The following ATP8A2 variants were observed in gnomAD, a reference collection of about 807,000 sequenced individuals.
ATP8A2 encodes the protein phospholipid-transporting ATPase IB.
A neutral mutation model predicts 165.6 loss-of-function variants in ATP8A2; 100 were observed. The ratio of observed to expected loss-of-function variants is 0.60; its 90% CI spans 0.51 to 0.71. ATP8A2 has a LOEUF of 0.71. Among genes scored for constraint, ATP8A2 ranks in the 30% least tolerant of loss-of-function variants. The probability of loss-of-function intolerance (pLI) is 0.00; values close to 1 mark genes in which losing one functional copy is unlikely to be tolerated. For missense variants in ATP8A2, 1,227 were observed against 1,479.5 expected (o/e 0.83, Z 2.80); for synonymous variants, 543 against 548.8 (o/e 0.99, Z 0.15).
intron 24 of ATP8A2, among the ~76,000 whole-genome samples, chr13:25,605,777 A>C (rs2040500914): frequency 6.6e-6 from 1 of 152,092 alleles, no homozygotes; most frequent in Non-Finnish European, 1.5e-5. Context: ...ATTTATTTAA[A>C]CCTTCTCTTA....
chr13:25,740,002 A>C (rs1231091298), intron 25 of ATP8A2, among the ~76,000 whole-genome samples: 1 of 152,298 alleles, frequency 6.6e-6, no homozygotes, highest in East Asian at 1.9e-4. Flanking sequence ...GGCCACCTAC[A>C]TTGCTCATCC....
At chr13:25,923,084 AC>A (rs1954507136) in intron 33 of ATP8A2, among the ~76,000 whole-genome samples, 2 of 152,188 alleles carry the variant, frequency 1.3e-5, no homozygotes, top group Admixed American at 1.3e-4. Context: ...AAGCAAAGGA[AC>A]AACCTAGAAA....
At chr13:25,857,916 G>A (rs190710023) in intron 30 of ATP8A2, among the ~76,000 whole-genome samples, 13 of 152,174 alleles carry the variant, frequency 8.5e-5, no homozygotes, top group Non-Finnish European at 1.6e-4. Flanking sequence ...ACATTTTATC[G>A]TGTATCTGTT....
At chr13:25,589,813 CTG>C (rs554828731) in intron 24 of ATP8A2, 114 bp downstream of exon 24, 24 of 643,582 alleles carry the variant, frequency 3.7e-5, no homozygotes, top group Non-Finnish European at 6.5e-5. Context: ...TATGAAAAAA[CTG>C]TGTTTATTTT....
At chr13:25,922,773 G>T (rs9511976) in intron 33 of ATP8A2, among the ~76,000 whole-genome samples, 6,590 of 152,266 alleles carry the variant, frequency 0.043, 211 homozygotes, top group Middle Eastern at 0.099. Context: ...AGGGGGGATC[G>T]GTAGGCCCTA....
At chr13:25,446,692 C>T (rs2035078220) in intron 1 of ATP8A2, among the ~76,000 whole-genome samples, 1 of 152,142 alleles carries the variant, frequency 6.6e-6, no homozygotes, top group Non-Finnish European at 1.5e-5. Flanking sequence ...GTGAGAAGAA[C>T]ATTACAAATC....
At chr13:25,531,365 TATATATATGTTATATATATGATATATATA>T (rs2038082618) in intron 4 of ATP8A2, among the ~76,000 whole-genome samples, 1 of 124,966 alleles carries the variant, frequency 8.0e-6, no homozygotes, top group African/African-American at 3.5e-5. Flanking sequence ...TTATATATGA[TATATATATGTTATATATATGATATATATA>T]TGATTATATA....
intron 1 of ATP8A2, among the ~76,000 whole-genome samples, chr13:25,384,948 C>A (rs772521022): frequency 6.6e-5 from 10 of 152,154 alleles, no homozygotes; most frequent in Non-Finnish European, 1.2e-4. Flanking sequence ...GTGGGACATG[C>A]CCCGGGTTGG....
chr13:25,528,304 C>T (rs1463103463), intron 2 of ATP8A2, among the ~76,000 whole-genome samples: 1 of 152,168 alleles, frequency 6.6e-6, no homozygotes, highest in Non-Finnish European at 1.5e-5. Context: ...CTTCATATAA[C>T]ATCACATACA....
intron 35 of ATP8A2, among the ~76,000 whole-genome samples, chr13:25,996,611 G>T (rs1430311337): frequency 6.6e-6 from 1 of 151,876 alleles, no homozygotes; most frequent in Non-Finnish European, 1.5e-5. Context: ...TGCAACCTCC[G>T]CACTCTGGCG....
In ATP8A2 at chr13:25,769,148, C is replaced by G; in HGVS notation, c.2487C>G (p.Ile829Met). Reference sequence around the variant, plus strand: ...ACGGCGCCAACGATGTCGGGATGATCCAGACAGCCCACGTGGGTGTGGGAA... The same window carrying G: ...ACGGCGCCAACGATGTCGGGATGATGCAGACAGCCCACGTGGGTGTGGGAA... ...IGDGANDVGM[I>M]QTAHVGVGIS... Residue 829 changes from isoleucine (I) to methionine (M), a missense_variant, in exon 26 of 37, where the codon ATC becomes ATG. This residue lies in a region of ATP8A2 where 592 missense variants were observed against 785.6 expected (regional missense o/e 0.75). Transcript: ENST00000381655. 6 of 1,614,144 alleles carry G rather than the reference C, an allele frequency of 3.7e-6. No individual in the cohort carries two copies. Among genetic ancestry groups the G allele is most frequent in the Non-Finnish European group, 5.1e-6 (6 of 1,180,002 alleles).
At chr13:25,812,248 T>C (rs1443549684) in intron 27 of ATP8A2, among the ~76,000 whole-genome samples, 1 of 151,466 alleles carries the variant, frequency 6.6e-6, no homozygotes, top group Non-Finnish European at 1.5e-5. Flanking sequence ...GATGTACCAT[T>C]ATAGTATGTT....
Position 25,753,374 on chromosome 13 carries a change from C to T in ATP8A2, c.2385-15672C>T, listed in dbSNP as rs75777187. ...CTGACTCATGTGAATGTTGGCCAGA[C>T]GCTCTGGCTTGTGTGGTTATTGGCT... On this transcript the variant is annotated intron_variant, in intron 25 of 36. Coordinates refer to ENST00000381655, the MANE Select transcript of ATP8A2 (RefSeq NM_016529.6). Among the ~76,000 whole-genome samples, 483 of 152,304 alleles carry T rather than the reference C, an allele frequency of 3.2e-3. 2 individuals are homozygous for T. Among genetic ancestry groups the T allele is most frequent in the African/African-American group, 0.01 (416 of 41,564 alleles).
chr13:25,623,137 A>C lies in ATP8A2; in HGVS notation c.2211+33438A>C, dbSNP rs9581410. ...AGTAGCTCATGCCTGTAATCTCAGCACTTTGGGAGGCCAAGGCGGGAGGAT... is the reference window on the plus strand; with the variant it reads ...AGTAGCTCATGCCTGTAATCTCAGCCCTTTGGGAGGCCAAGGCGGGAGGAT... On this transcript the variant is annotated intron_variant, in intron 24 of 36. Coordinates refer to ENST00000381655, the MANE Select transcript of ATP8A2 (RefSeq NM_016529.6). Among the ~76,000 whole-genome samples the C allele has an allele frequency of 3.6e-3, 545 of 152,354 alleles. 3 individuals are homozygous for C. Among genetic ancestry groups the C allele is most frequent in the Middle Eastern group, 0.017 (5 of 294 alleles).
chr13:25,869,571 T>A (rs1314219555), intron 33 of ATP8A2, among the ~76,000 whole-genome samples: 1 of 152,248 alleles, frequency 6.6e-6, no homozygotes, highest in African/African-American at 2.4e-5. Flanking sequence ...TGAGCTTGTT[T>A]TTCAGGTATA....
At chr13:25,668,965 G>T (rs1382559052) in intron 24 of ATP8A2, among the ~76,000 whole-genome samples, 2 of 151,272 alleles carry the variant, frequency 1.3e-5, no homozygotes, top group Admixed American at 6.6e-5. Flanking sequence ...TACTTTTTTT[G>T]TCCATGTTTC....
In ATP8A2 at chr13:25,778,781, C is replaced by T. The variant is rs926019206; in HGVS notation, c.2679+3822C>T. On this transcript the variant is annotated intron_variant, in intron 27 of 36. Transcript: ENST00000381655. The stretch of plus-strand genomic sequence containing the variant: ...CCTCTGCGATCTGGGTTCCAACTGT[C>T]ACCAGCCTCCTCTGCCACTGTATCC... 6.6e-5 allele frequency among the ~76,000 whole-genome samples: 10 copies of T among 152,326 alleles called. No individual in the cohort carries two copies. In the East Asian group the frequency reaches 1.9e-3, roughly 29 times the overall value.
rs113436448 is a variant in ATP8A2, at chr13:25,527,179, A to G, written c.222-2820A>G. ...CTTGCTTCCACGCCACCATTTTGGA[A>G]CCAGAAACCTCATTGTATTACACCT... On this transcript the variant is annotated intron_variant, in intron 2 of 36. Coordinates refer to ENST00000381655, the MANE Select transcript of ATP8A2 (RefSeq NM_016529.6). Among the ~76,000 whole-genome samples the G allele has an allele frequency of 4.6e-5, 7 of 152,214 alleles. 1 individual carries two copies. The highest frequency in any genetic ancestry group is 2.6e-4 in the Admixed American group (4 of 15,278).
Position 25,372,177 on chromosome 13 carries a change from C to T in ATP8A2, c.-36C>T. On this transcript the variant is annotated 5_prime_UTR_variant, in exon 1 of 37. Transcript: ENST00000381655. The surrounding 1 kb of genome is among the most constrained non-coding windows in gnomAD (Gnocchi z 4.8). ...CCAGCCCTGCGCGTAGCCTCCGTCT[C>T]TCGCCCGGGGCCGCCGAGCCCCCGA... is the stretch of plus-strand genomic sequence containing the variant. 3.6e-6 allele frequency: 5 copies of T among 1,400,256 alleles called. No homozygotes were observed. Among genetic ancestry groups the T allele is most frequent in the Non-Finnish European group, 4.7e-6 (5 of 1,062,562 alleles). 86.7% of individuals were successfully genotyped at this position (1,400,256 alleles called of 1,614,324 possible). A position where few individuals can be genotyped will look rare whatever the true frequency, so the allele number is the denominator to read the frequency against.
Sources: gnomAD v4.1 joint callset for allele counts (sites outside exome capture counted in the v4.1 genomes callset) on GRCh38, gnomAD v4.1.1 for gene constraint, gnomAD v4.1.1 regional missense constraint, Gnocchi (gnomAD v3.1) non-coding constraint, MANE v1.5 for transcripts, NCBI Gene and HGNC (gene_info 2026-07-23, HGNC 2026-07-21) for gene names.